Variants in CAST observed in about 807,000 individuals in gnomAD.
CAST encodes the protein MIR583 host.
A neutral mutation model predicts 119.6 loss-of-function variants in CAST; 76 were observed. The ratio of observed to expected loss-of-function variants is 0.64; its 90% CI spans 0.53 to 0.77. CAST has a LOEUF of 0.77. Ranked by LOEUF, CAST falls within the 30% of genes least tolerant of loss-of-function variation. The pLI, the probability that CAST is intolerant of heterozygous loss-of-function variation, is 0.00. For missense variants in CAST, 953 were observed against 946.5 expected (o/e 1.01, Z -0.09); for synonymous variants, 319 against 331.6 (o/e 0.96, Z 0.41).
the CAST span, among the ~76,000 whole-genome samples, chr5:96,471,018 T>C: frequency 2.0e-5 from 3 of 152,106 alleles, no homozygotes; most frequent in East Asian, 1.9e-4. Flanking sequence ...GTCATGGAGA[T>C]AGGACATTCC....
At chr5:96,021,494 G>A in the CAST span, among the ~76,000 whole-genome samples, 2 of 151,858 alleles carry the variant, frequency 1.3e-5, no homozygotes, top group Admixed American at 6.6e-5. Context: ...TGCCCAGGCT[G>A]GAGTGCAGTG....
chr5:96,108,012 G>C, the CAST span, among the ~76,000 whole-genome samples: 1 of 151,394 alleles, frequency 6.6e-6, no homozygotes, highest in Non-Finnish European at 1.5e-5. Flanking sequence ...CCAGTTGATC[G>C]CATCGGCTCC....
chr5:96,103,773 C>G, the CAST span, among the ~76,000 whole-genome samples: 5 of 151,932 alleles, frequency 3.3e-5, 1 homozygote, highest in Non-Finnish European at 7.4e-5. Flanking sequence ...GAGGAATCAC[C>G]ACACTGACTT....
At chr5:96,117,305 C>T in the CAST span, among the ~76,000 whole-genome samples, 12 of 152,004 alleles carry the variant, frequency 7.9e-5, no homozygotes, top group South Asian at 6.3e-4. Context: ...ATTTTGAATC[C>T]GACATAGAGA....
the CAST span, among the ~76,000 whole-genome samples, chr5:96,008,963 C>A: frequency 6.6e-6 from 1 of 152,120 alleles, no homozygotes; most frequent in Non-Finnish European, 1.5e-5. Context: ...TCAAACCATG[C>A]CCCACCCCGC....
chr5:96,363,785 G>A, the CAST span, among the ~76,000 whole-genome samples: 8 of 152,050 alleles, frequency 5.3e-5, no homozygotes, highest in African/African-American at 9.7e-5. Context: ...TTGCAAACAG[G>A]GACAATTTGA....
intron 16 of CAST, among the ~76,000 whole-genome samples, chr5:96,744,766 G>A (rs1763401462): frequency 6.6e-6 from 1 of 152,000 alleles, no homozygotes; most frequent in Admixed American, 6.6e-5. Flanking sequence ...AGTGTCCACT[G>A]CCACCCCAGC....
At chr5:96,456,995 C>A in the CAST span, among the ~76,000 whole-genome samples, 1 of 152,196 alleles carries the variant, frequency 6.6e-6, no homozygotes, top group Non-Finnish European at 1.5e-5. Flanking sequence ...TGAGGCCTTC[C>A]AAACCCTGTG....
chr5:96,617,170 A>G (rs1747475852), intron 1 of CAST, among the ~76,000 whole-genome samples: 1 of 152,108 alleles, frequency 6.6e-6, no homozygotes, highest in Non-Finnish European at 1.5e-5. Flanking sequence ...ATTTTCAACT[A>G]TCTCTAAATC....
chr5:96,350,095 T>C, the CAST span, among the ~76,000 whole-genome samples: 1 of 152,172 alleles, frequency 6.6e-6, no homozygotes. Context: ...TCTCAATCAA[T>C]TTAGAAAGTT....
chr5:96,410,797 CGCTGCTGTAAGAGGTG>C, the CAST span: 10 of 1,613,972 alleles, frequency 6.2e-6, no homozygotes, highest in Non-Finnish European at 8.5e-6. Context: ...GTGTAATCTC[CGCTGCTGTAAGAGGTG>C]GCCAGTGTGG....
At position 96,702,712 on chromosome 5, in the gene CAST, C is replaced by A. The variant is rs1456743303; in HGVS notation, c.210+6805C>A. ...GTCCACGGAGCGGGACCTCCCTCCC[C>A]ACGCATCCCGGGCTCCCGGGGCGGG... On this transcript the variant is annotated intron_variant, in intron 3 of 31. Transcript: ENST00000675179. The A allele has an allele frequency of 1.2e-5, 11 of 932,706 alleles. No individual in the cohort carries two copies. The East Asian group carries it at 1.2e-3, about 99-fold the overall frequency. The allele number at this position is 932,706 out of a possible 1,614,324, so 57.8% of individuals were successfully genotyped here.
chr5:95,995,829 C>G, the CAST span, among the ~76,000 whole-genome samples: 3 of 151,982 alleles, frequency 2.0e-5, no homozygotes, highest in Admixed American at 1.3e-4. Context: ...AATGCATGAC[C>G]CAGATCTGGG....
At chr5:96,420,688 G>C in the CAST span, among the ~76,000 whole-genome samples, 10 of 139,560 alleles carry the variant, frequency 7.2e-5, no homozygotes, top group Admixed American at 7.3e-4. Flanking sequence ...AATAACTTTA[G>C]ATCAGTATTA....
chr5:96,659,675 C>G (rs897316200), upstream of CAST, among the ~76,000 whole-genome samples: 2 of 151,972 alleles, frequency 1.3e-5, no homozygotes, highest in African/African-American at 4.8e-5. Context: ...ATTACAGGTG[C>G]GCGCCACCAT....
chr5:96,346,163 T>C, the CAST span, among the ~76,000 whole-genome samples: 1 of 152,122 alleles, frequency 6.6e-6, no homozygotes, highest in African/African-American at 2.4e-5. Flanking sequence ...TAAAACATGA[T>C]GGTTGATTGG....
chr5:96,123,981 C>T, the CAST span, among the ~76,000 whole-genome samples: 1 of 152,116 alleles, frequency 6.6e-6, no homozygotes, highest in Non-Finnish European at 1.5e-5. Context: ...TGTTTCCATA[C>T]ACAATTTTTG....
chr5:96,143,727 T>C, the CAST span, among the ~76,000 whole-genome samples: 1 of 152,226 alleles, frequency 6.6e-6, no homozygotes, highest in Non-Finnish European at 1.5e-5. Context: ...TGGACAAGCT[T>C]GTAAAAAAAA....
At chr5:96,561,786 G>GGTTTTGTTT (rs1189100090) in intron 1 of CAST, among the ~76,000 whole-genome samples, 5 of 105,426 alleles carry the variant, frequency 4.7e-5, no homozygotes, top group Non-Finnish European at 7.5e-5. Flanking sequence ...TTATATATAT[G>GGTTTTGTTT]TTTTTTTTTG....
Sources: allele counts gnomAD v4.1 joint callset (sites outside exome capture counted in the v4.1 genomes callset), GRCh38; gene constraint gnomAD v4.1.1; transcripts MANE v1.5; gene names NCBI Gene and HGNC (gene_info 2026-07-23, HGNC 2026-07-21).